The following NOL4 variants were observed in gnomAD, a reference collection of about 807,000 sequenced individuals.
NOL4 encodes the protein nucleolar protein 4.
NOL4 carries 17 observed loss-of-function variants against 75.9 expected under a neutral mutation model. The observed-to-expected ratio is 0.22, with a 90% CI of 0.15 to 0.34. The LOEUF is 0.34. Among genes scored for constraint, NOL4 ranks in the 10% least tolerant of loss-of-function variants. NOL4 has a pLI of 1.00. For synonymous variants in NOL4, 292 were observed against 289.9 expected, an observed-to-expected ratio of 1.01 and a Z score of -0.07; for missense variants, 614 against 793.5, an observed-to-expected ratio of 0.77 and a Z score of 2.72.
At position 34,181,837 on chromosome 18, in the gene NOL4, C is replaced by G. The variant is rs180953325; in HGVS notation, c.264+41153G>C. On this transcript the variant is annotated intron_variant, in intron 1 of 10. Transcript: ENST00000261592. ...CATTAGTCATTAGGGAAATGCAAAT[C>G]AAAACCACAATGAGATGCTACTTCA... 5.6e-4 allele frequency among the ~76,000 whole-genome samples: 85 copies of G among 151,636 alleles called. 2 individuals are homozygous for G. The highest frequency in any genetic ancestry group is 1.0e-3 in the Non-Finnish European group (70 of 67,608).
At chr18:33,925,022 G>T (rs1284201926) in intron 9 of NOL4, among the ~76,000 whole-genome samples, 2 of 151,830 alleles carry the variant, frequency 1.3e-5, no homozygotes, top group Admixed American at 1.3e-4. Context: ...CAACAAGGAG[G>T]AAACACATTT....
intron 10 of NOL4, among the ~76,000 whole-genome samples, chr18:33,862,468 T>C (rs1290405789): frequency 6.6e-6 from 1 of 151,932 alleles, no homozygotes; most frequent in Non-Finnish European, 1.5e-5. Context: ...GAAACTACCA[T>C]CAGAGTGAAC....
intron 2 of NOL4, among the ~76,000 whole-genome samples, chr18:34,110,889 G>T (rs1233819171): frequency 6.6e-5 from 10 of 151,638 alleles, no homozygotes. Flanking sequence ...AGATAACAAT[G>T]AACTATACAA....
intron 9 of NOL4, among the ~76,000 whole-genome samples, chr18:33,923,998 A>C (rs1459579539): frequency 2.0e-5 from 3 of 152,180 alleles, no homozygotes; most frequent in Non-Finnish European, 4.4e-5. Flanking sequence ...AGAAATGAGT[A>C]CTTAAAAATT....
chr18:34,222,313 A>T, intron 1 of NOL4: 1 of 1,270,514 alleles, frequency 7.9e-7, no homozygotes, highest in Non-Finnish European at 9.9e-7. Context: ...CTGCGGCTTT[A>T]TTTGTGGAAG....
Position 34,194,778 on chromosome 18 carries a change from A to G in NOL4, c.264+28212T>C, listed in dbSNP as rs545028373. Among the ~76,000 whole-genome samples the G allele has an allele frequency of 2.0e-5, 3 of 152,262 alleles. No homozygotes were observed. The East Asian group carries it at 5.8e-4, about 29-fold the overall frequency. On this transcript the variant is annotated intron_variant, in intron 1 of 10. Coordinates refer to ENST00000261592, the MANE Select transcript of NOL4 (RefSeq NM_003787.5). ...GGTGGCTCACGCATGTAATCCCTGC[A>G]CTTTGGGAGGCCGAGGTGGGTGGAT... is the stretch of plus-strand genomic sequence containing the variant.
chr18:33,914,895 G>A (rs1249797914), intron 9 of NOL4, among the ~76,000 whole-genome samples: 2 of 152,070 alleles, frequency 1.3e-5, no homozygotes, highest in Admixed American at 1.3e-4. Context: ...GGAGTTCAGG[G>A]AGGAGTCCTG....
rs968450464 is a variant in NOL4 at position 33,936,575 on chromosome 18, G to A, written c.1542+6490C>T. Among the ~76,000 whole-genome samples, 7 of 151,880 alleles carry A rather than the reference G, an allele frequency of 4.6e-5. No individual in the cohort carries two copies. In the East Asian group the frequency reaches 1.2e-3, roughly 25 times the overall value. ...TGGTGTCACATCACAGTCAACCATT[G>A]GTTTCCCGTGTGTCTTAGCTACTGC... On this transcript the variant is annotated intron_variant, in intron 9 of 10. Transcript: ENST00000261592.
chr18:34,215,506 A>C (rs2036823289), intron 1 of NOL4, among the ~76,000 whole-genome samples: 1 of 152,208 alleles, frequency 6.6e-6, no homozygotes, highest in Non-Finnish European at 1.5e-5. Flanking sequence ...CAACAGTTGA[A>C]CATTGACTAT....
chr18:34,115,818 T>A (rs963945714), intron 2 of NOL4, among the ~76,000 whole-genome samples: 1 of 152,166 alleles, frequency 6.6e-6, no homozygotes. Context: ...CGTTCTTGAT[T>A]TCCTTGGCAG....
intron 5 of NOL4, among the ~76,000 whole-genome samples, chr18:34,055,890 A>G (rs931695577): frequency 6.6e-6 from 1 of 151,788 alleles, no homozygotes; most frequent in East Asian, 1.9e-4. Flanking sequence ...CAAGTTTGCT[A>G]TTAAGTCTCT....
chr18:34,024,000 C>G (rs2075187951), intron 5 of NOL4, among the ~76,000 whole-genome samples: 1 of 151,354 alleles, frequency 6.6e-6, no homozygotes, highest in African/African-American at 2.4e-5. Context: ...AATTAGCTCT[C>G]TCTGTATGAA....
At chr18:34,146,231 T>C (rs1370770399) in intron 1 of NOL4, among the ~76,000 whole-genome samples, 1 of 152,110 alleles carries the variant, frequency 6.6e-6, no homozygotes, top group East Asian at 1.9e-4. Context: ...TTGTCATTAT[T>C]TCACTGCTCT....
chr18:34,128,641 G>A (rs1168510529), intron 2 of NOL4, among the ~76,000 whole-genome samples: 1 of 151,752 alleles, frequency 6.6e-6, no homozygotes, highest in Non-Finnish European at 1.5e-5. Flanking sequence ...TTTATGTAAG[G>A]AAACTTACAA....
At chr18:34,159,257 G>C (rs1160597004) in intron 1 of NOL4, among the ~76,000 whole-genome samples, 1 of 152,202 alleles carries the variant, frequency 6.6e-6, no homozygotes. Context: ...AGGGGGAGCA[G>C]TGCTCCCAAC....
At chr18:33,998,183 C>A (rs945976767) in intron 6 of NOL4, among the ~76,000 whole-genome samples, 5 of 151,936 alleles carry the variant, frequency 3.3e-5, no homozygotes, top group South Asian at 4.2e-4. Flanking sequence ...TGATGGAAAT[C>A]AAAAATTAAC....
intron 5 of NOL4, 74 bp downstream of exon 5, chr18:34,093,391 A>C: frequency 7.3e-7 from 1 of 1,364,334 alleles, no homozygotes; most frequent in Non-Finnish European, 9.9e-7. Flanking sequence ...ATTAAGAGGT[A>C]GTTGTTGTTT....
At position 33,988,965 on chromosome 18, in the gene NOL4, A is replaced by T. The variant is rs529014726; in HGVS notation, c.1056+30353T>A. ...ATAATCACAGCATTTTGGGAAGCCAACTGGAAGACTGCTTGAACCCAGGAC... is the reference window on the plus strand; with the variant it reads ...ATAATCACAGCATTTTGGGAAGCCATCTGGAAGACTGCTTGAACCCAGGAC... On this transcript the variant is annotated intron_variant, in intron 6 of 10. Coordinates refer to ENST00000261592, the MANE Select transcript of NOL4 (RefSeq NM_003787.5). Among the ~76,000 whole-genome samples, 26 of 152,038 alleles carry T rather than the reference A, an allele frequency of 1.7e-4. 1 individual carries two copies. The Middle Eastern group carries it at 0.01, about 60-fold the overall frequency.
intron 1 of NOL4, among the ~76,000 whole-genome samples, chr18:34,133,171 C>G (rs185785137): frequency 6.6e-6 from 1 of 151,034 alleles, no homozygotes; most frequent in South Asian, 2.1e-4. Flanking sequence ...ACTTGGGAGG[C>G]TGAGGCAGGA....
Sources: gnomAD v4.1 joint callset for allele counts (sites outside exome capture counted in the v4.1 genomes callset) on GRCh38, gnomAD v4.1.1 for gene constraint, MANE v1.5 for transcripts, NCBI Gene and HGNC (gene_info 2026-07-23, HGNC 2026-07-21) for gene names.